Variants in CNOT10 observed in about 807,000 individuals in gnomAD.
CNOT10 encodes the protein CCR4-NOT transcription complex, subunit 10.
Under a neutral mutation model 94.6 loss-of-function variants are expected in CNOT10, and 30 were observed. The ratio of observed to expected loss-of-function variants is 0.32; its 90% CI spans 0.24 to 0.43. The LOEUF (loss-of-function observed/expected upper bound fraction) is 0.43. Ranked by LOEUF, CNOT10 falls within the 20% of genes least tolerant of loss-of-function variation. The pLI is 1.00. For synonymous variants in CNOT10, 289 were observed against 301.6 expected (o/e 0.96, Z 0.43); for missense variants, 759 against 877.2 (o/e 0.87, Z 1.70).
intron 13 of CNOT10, among the ~76,000 whole-genome samples, chr3:32,746,743 A>G (rs1384311952): frequency 1.3e-5 from 2 of 151,382 alleles, no homozygotes; most frequent in East Asian, 3.9e-4. Context: ...AGGCTGAGGC[A>G]GGAGAATGGT....
intron 17 of CNOT10, among the ~76,000 whole-genome samples, chr3:32,768,780 C>G (rs180755283): frequency 5.9e-5 from 9 of 152,250 alleles, no homozygotes; most frequent in African/African-American, 2.2e-4. Context: ...CAACATGCCC[C>G]GCTAGTCTGA....
Position 32,764,778 on chromosome 3 carries a change from A to C in CNOT10, c.1973A>C (p.Glu658Ala). The C allele has an allele frequency of 6.2e-7, 1 of 1,614,186 alleles. No individual in the cohort carries two copies. Among genetic ancestry groups the C allele is most frequent in the East Asian group, 2.2e-5 (1 of 44,884 alleles). The change falls in exon 17 of 19, where the codon GAA (glutamate) becomes GCA (alanine). Residue 658 changes from glutamate to alanine, a missense_variant. This residue lies in a region of CNOT10 where 682 missense variants were observed against 799.4 expected (regional missense o/e 0.85). Transcript: ENST00000328834. Reference protein sequence around the residue: ...NLGSAYCLRSEYDKARKCLHQ... With the variant: ...NLGSAYCLRSAYDKARKCLHQ... ...GGCAGCGCTTACTGCCTGAGGAGCG[A>C]ATATGACAAAGCCCGAAAGTGTCTC...
chr3:32,691,222 T>G (rs958506836), intron 1 of CNOT10, among the ~76,000 whole-genome samples: 8 of 146,016 alleles, frequency 5.5e-5, no homozygotes, highest in Admixed American at 3.6e-4. Context: ...AGTGCAGTGG[T>G]GCAATCTCGG....
rs1701004080 is a variant in CNOT10, at chr3:32,773,604, G to T, written c.2228G>T (p.Arg743Ile). ...ATGCCGGCTTTCACCACTGTGCAGAGAAAGTGATACTTCACTTTTGGAAAA... is the reference window on the plus strand; with the variant it reads ...ATGCCGGCTTTCACCACTGTGCAGATAAAGTGATACTTCACTTTTGGAAAA... The part of the protein sequence containing the change: ...IQMPAFTTVQ[R>I]K The change falls in exon 19 of 19, where the codon AGA (arginine) becomes ATA (isoleucine). Residue 743 changes from arginine (R) to isoleucine (I), a missense_variant. Transcript: ENST00000328834. The T allele has an allele frequency of 1.2e-6, 2 of 1,607,586 alleles. No homozygotes were observed. Among genetic ancestry groups the T allele is most frequent in the Non-Finnish European group, 1.7e-6 (2 of 1,177,950 alleles).
At position 32,727,846 on chromosome 3, in the gene CNOT10, A is replaced by G. The variant is rs947871546; in HGVS notation, c.1191A>G (p.Glu397=). The G allele has an allele frequency of 1.2e-6, 2 of 1,613,198 alleles. No individual in the cohort carries two copies. The highest frequency in any genetic ancestry group is 1.1e-5 in the South Asian group (1 of 90,988). The change falls in exon 10 of 19, where the codon GAA becomes GAG. Residue 397 remains glutamate (E), a synonymous_variant. Transcript: ENST00000328834. Reference sequence around the variant, plus strand: ...CTCGCCTCTGGCTACGGCTGGCTGAATGCTGCATTGCTGCCAATAAGGGGG... The same window carrying G: ...CTCGCCTCTGGCTACGGCTGGCTGAGTGCTGCATTGCTGCCAATAAGGGGG... ...ANPRLWLRLA[E]CCIAANKGTS...
chr3:32,754,133 A>AT (rs1176258067), intron 13 of CNOT10, among the ~76,000 whole-genome samples: 2 of 151,836 alleles, frequency 1.3e-5, no homozygotes, highest in African/African-American at 4.8e-5. Flanking sequence ...CAAGTTTAAC[A>AT]TTTTTTGGAT....
chr3:32,690,419 CTT>C (rs538786137), intron 1 of CNOT10, among the ~76,000 whole-genome samples: 191 of 152,286 alleles, frequency 1.3e-3, no homozygotes, highest in African/African-American at 4.5e-3. Context: ...GGGTCTCACT[CTT>C]TCACCCATGT....
intron 4 of CNOT10, among the ~76,000 whole-genome samples, chr3:32,710,360 G>A (rs1243442597): frequency 6.6e-6 from 1 of 150,626 alleles, no homozygotes; most frequent in Non-Finnish European, 1.5e-5. Context: ...GCAAAACCAA[G>A]TTTCCTCTTG....
At chr3:32,718,880 T>C (rs1202528278) in intron 7 of CNOT10, among the ~76,000 whole-genome samples, 1 of 152,150 alleles carries the variant, frequency 6.6e-6, no homozygotes, top group Non-Finnish European at 1.5e-5. Context: ...TTTGGAAGGC[T>C]GAGACAGGCA....
intron 10 of CNOT10, chr3:32,730,988 A>G (rs1698918250): frequency 6.6e-6 from 1 of 152,172 alleles, no homozygotes; most frequent in Non-Finnish European, 1.5e-5. Context: ...ATCGTGGGCC[A>G]GTTTGTTTTC....
intron 14 of CNOT10, among the ~76,000 whole-genome samples, chr3:32,760,583 G>A (rs554957887): frequency 1.1e-4 from 16 of 152,082 alleles, no homozygotes; most frequent in Non-Finnish European, 2.1e-4. Context: ...GGTGAGCCAC[G>A]GTTGCACCAT....
intron 13 of CNOT10, among the ~76,000 whole-genome samples, chr3:32,757,775 A>T (rs1181758665): frequency 1.3e-5 from 2 of 152,130 alleles, no homozygotes; most frequent in Admixed American, 1.3e-4. Context: ...TGGCCATGGG[A>T]CAACCTTGCT....
At chr3:32,753,907 T>C in intron 13 of CNOT10, 1 of 1,260,790 alleles carries the variant, frequency 7.9e-7, no homozygotes, top group Non-Finnish European at 1.1e-6. Context: ...ACTAAATAAA[T>C]TAATTTGCTC....
At chr3:32,695,749 T>C in intron 1 of CNOT10, 1 of 1,535,984 alleles carries the variant, frequency 6.5e-7, no homozygotes. Context: ...TGAACGGTCG[T>C]ATACTCTTTC....
At chr3:32,701,781 C>T (rs1559479895) in intron 1 of CNOT10, among the ~76,000 whole-genome samples, 1 of 151,952 alleles carries the variant, frequency 6.6e-6, no homozygotes. Context: ...ATTGCCCAGT[C>T]TCTGATAGTT....
chr3:32,741,667 G>A (rs1699469608), intron 13 of CNOT10, among the ~76,000 whole-genome samples: 1 of 151,618 alleles, frequency 6.6e-6, no homozygotes. Context: ...TACTCTGGAG[G>A]CTGAGGCAGG....
intron 12 of CNOT10, 120 bp downstream of exon 12, chr3:32,735,096 G>T (rs145512183): frequency 1.2e-6 from 1 of 847,552 alleles, no homozygotes; most frequent in Non-Finnish European, 1.8e-6. Flanking sequence ...TCTGTTTTGC[G>T]TAACAAGAAA....
At chr3:32,733,378 C>G in intron 10 of CNOT10, 45 bp from the exon 11 acceptor site, 1 of 1,415,290 alleles carries the variant, frequency 7.1e-7, no homozygotes, top group East Asian at 2.4e-5. Flanking sequence ...TATACCACAT[C>G]TTACAATTCC....
intron 1 of CNOT10, among the ~76,000 whole-genome samples, chr3:32,699,404 A>T (rs1257988710): frequency 6.6e-6 from 1 of 152,160 alleles, no homozygotes. Flanking sequence ...AAGAATATTT[A>T]TTTCTAGACA....
Sources: allele counts gnomAD v4.1 joint callset (sites outside exome capture counted in the v4.1 genomes callset), GRCh38; gene constraint gnomAD v4.1.1; regional missense constraint gnomAD v4.1.1; transcripts MANE v1.5; gene names NCBI Gene and HGNC (gene_info 2026-07-23, HGNC 2026-07-21).